The following RNFT2 variants were observed in gnomAD, a reference collection of about 807,000 sequenced individuals.
The protein encoded by RNFT2 is ring finger protein, transmembrane 2, also known as E3 ubiquitin-protein ligase RNFT2.
RNFT2 carries 36 observed loss-of-function variants against 53.0 expected under a neutral mutation model. That is an observed-to-expected ratio of 0.68 (90% CI 0.52 to 0.90). RNFT2 has a LOEUF of 0.90. Among genes scored for constraint, RNFT2 ranks in the 40% least tolerant of loss-of-function variants. RNFT2 has a pLI of 0.00. For missense variants in RNFT2, 514 were observed against 585.6 expected, an observed-to-expected ratio of 0.88 and a Z score of 1.26; for synonymous variants, 260 against 253.2, an observed-to-expected ratio of 1.03 and a Z score of -0.26.
At position 116,741,071 on chromosome 12, in the gene RNFT2, C is replaced by T. The variant is rs1316572716; in HGVS notation, c.60C>T (p.Asn20=). The T allele has an allele frequency of 1.9e-6, 3 of 1,610,980 alleles. No homozygotes were observed. The South Asian group carries it at 3.3e-5, about 18-fold the overall frequency. Residue 20 remains asparagine (N), a synonymous_variant, in exon 3 of 11, where the codon AAC becomes AAT. Coordinates refer to ENST00000257575, the MANE Select transcript of RNFT2 (RefSeq NM_001382266.1). ...AGATGCAGAGACGCCACAGCAGCAA[C>T]ACGGATAACATTCCACCTGAAAGGT... ...LRKMQRRHSS[N]TDNIPPERNR...
intron 10 of RNFT2, among the ~76,000 whole-genome samples, chr12:116,845,126 T>A (rs1877536106): frequency 6.6e-6 from 1 of 151,404 alleles, no homozygotes; most frequent in Admixed American, 6.6e-5. Flanking sequence ...TGCCTATAGT[T>A]GTAGCTACTT....
intron 6 of RNFT2, among the ~76,000 whole-genome samples, chr12:116,771,462 A>AC: frequency 1.1e-4 from 2 of 18,818 alleles, no homozygotes; most frequent in African/African-American, 1.1e-3. Flanking sequence ...CCTATCGTTA[A>AC]AAAAAAAAAA....
At chr12:116,811,810 C>G (rs1875395204) in intron 7 of RNFT2, among the ~76,000 whole-genome samples, 1 of 152,208 alleles carries the variant, frequency 6.6e-6, no homozygotes, top group South Asian at 2.1e-4. Context: ...GGCTCTTCTC[C>G]TCGGGGCCCA....
chr12:116,792,378 G>A (rs1467512246), intron 7 of RNFT2, among the ~76,000 whole-genome samples: 2 of 151,798 alleles, frequency 1.3e-5, no homozygotes, highest in Non-Finnish European at 2.9e-5. Flanking sequence ...TAATTTTGGA[G>A]AAAAGTCCTC....
intron 7 of RNFT2, among the ~76,000 whole-genome samples, chr12:116,794,583 G>A (rs1268375498): frequency 1.4e-5 from 2 of 146,794 alleles, no homozygotes; most frequent in Non-Finnish European, 3.0e-5. Context: ...GGGTGACAGA[G>A]TGAGACTTTG....
At chr12:116,830,827 C>G (rs1348523796) in intron 7 of RNFT2, among the ~76,000 whole-genome samples, 1 of 151,748 alleles carries the variant, frequency 6.6e-6, no homozygotes, top group African/African-American at 2.4e-5. Context: ...TTGCTTGAAC[C>G]CAAGAGGCAG....
intron 7 of RNFT2, among the ~76,000 whole-genome samples, chr12:116,802,074 G>A (rs140173217): frequency 0.024 from 3,705 of 152,204 alleles, 135 homozygotes; most frequent in African/African-American, 0.083. Context: ...CACCTGCCTT[G>A]GCCTCCCAAA....
At chr12:116,847,561 C>G (rs1877684675) in intron 10 of RNFT2, among the ~76,000 whole-genome samples, 1 of 148,200 alleles carries the variant, frequency 6.7e-6, no homozygotes, top group Admixed American at 6.8e-5. Context: ...GAGTTTTGCT[C>G]TCGTTGCCCA....
rs1221531305 is a variant in RNFT2, at chr12:116,802,697, A to G, written c.882+23349A>G. ...CCAACACTTTGATTTGGGCCCAAGGAAACTAATTTTGGACTTCTGGCCTCC... is the reference window on the plus strand; with the variant it reads ...CCAACACTTTGATTTGGGCCCAAGGGAACTAATTTTGGACTTCTGGCCTCC... On this transcript the variant is annotated intron_variant, in intron 7 of 10. Coordinates refer to ENST00000257575, the MANE Select transcript of RNFT2 (RefSeq NM_001382266.1). Among the ~76,000 whole-genome samples, 5 of 152,166 alleles carry G rather than the reference A, an allele frequency of 3.3e-5. No individual in the cohort carries two copies. The South Asian group carries it at 1.0e-3, about 31-fold the overall frequency.
At chr12:116,784,273 G>A (rs946899746) in intron 7 of RNFT2, among the ~76,000 whole-genome samples, 3 of 152,192 alleles carry the variant, frequency 2.0e-5, no homozygotes, top group African/African-American at 4.8e-5. Context: ...TGCAGCTCAC[G>A]GTCTGTGGTA....
At position 116,849,301 on chromosome 12, in the gene RNFT2, G is replaced by T. The variant is rs1485142447; in HGVS notation, c.1201-13G>T. 3 of 1,528,608 alleles carry T rather than the reference G, an allele frequency of 2.0e-6. No homozygotes were observed. Among genetic ancestry groups the T allele is most frequent in the Non-Finnish European group, 2.6e-6 (3 of 1,137,852 alleles). The allele number at this position is 1,528,608 out of a possible 1,614,324, so 94.7% of individuals were successfully genotyped here. On this transcript the variant is annotated splice_polypyrimidine_tract_variant and intron_variant, in intron 10 of 10. Transcript: ENST00000257575. ...TAAAGAGTCCTGGTGCCTGCTGATT[G>T]CTGTCCCCGCAGCACGTGTTCTGTG... is the stretch of plus-strand genomic sequence containing the variant.
chr12:116,845,343 T>A (rs984752240), intron 10 of RNFT2, among the ~76,000 whole-genome samples: 1 of 151,238 alleles, frequency 6.6e-6, no homozygotes, highest in South Asian at 2.1e-4. Context: ...TAATTCCTCA[T>A]GCAATGCTTT....
chr12:116,851,733 A>T lies in RNFT2; in HGVS notation c.*2285A>T. ...TCCAACCTGGGTGACAGAGTGAGTG[A>T]GACTCTGTCTAAAAAAAAAAAGAAA... On this transcript the variant is annotated 3_prime_UTR_variant, in exon 11 of 11. Transcript: ENST00000257575. 2 of 711,294 alleles carry T rather than the reference A, an allele frequency of 2.8e-6. No homozygotes were observed. The highest frequency in any genetic ancestry group is 5.0e-6 in the Non-Finnish European group (2 of 398,274). 44.1% of individuals were successfully genotyped at this position (711,294 alleles called of 1,614,324 possible). A position where few individuals can be genotyped will look rare whatever the true frequency, so the allele number is the denominator to read the frequency against.
At position 116,757,769 on chromosome 12, in the gene RNFT2, A is replaced by G. The variant is rs545782808; in HGVS notation, c.627+3709A>G. The stretch of plus-strand genomic sequence containing the variant: ...TATAGTCTATCTTGGAGAAAGTTCC[A>G]TGCGCTGTTGAATAGAATGTGTATT... On this transcript the variant is annotated intron_variant, in intron 5 of 10. Coordinates refer to ENST00000257575, the MANE Select transcript of RNFT2 (RefSeq NM_001382266.1). Among the ~76,000 whole-genome samples, 3 of 152,304 alleles carry G rather than the reference A, an allele frequency of 2.0e-5. 1 individual carries two copies. The highest frequency in any genetic ancestry group is 4.1e-4 in the South Asian group (2 of 4,820).
Position 116,743,213 on chromosome 12 carries a change from T to TAAAAAAAAAAAAAAAAAAAAAA in RNFT2, c.83+2129_83+2150dup, listed in dbSNP as rs762013507. On this transcript the variant is annotated intron_variant, in intron 3 of 10. Coordinates refer to ENST00000257575, the MANE Select transcript of RNFT2 (RefSeq NM_001382266.1). ...TGATTAATAGATACCAGGTAGAATC[T>TAAAAAAAAAAAAAAAAAAAAAA]AAAAAAAAAAAAAAAAAAAAAAAAA... Among the ~76,000 whole-genome samples, 12 of 10,680 alleles carry TAAAAAAAAAAAAAAAAAAAAAA rather than the reference T, an allele frequency of 1.1e-3. 1 individual carries two copies. Among genetic ancestry groups the TAAAAAAAAAAAAAAAAAAAAAA allele is most frequent in the Admixed American group, 4.0e-3 (2 of 504 alleles). 7.0% of individuals were successfully genotyped at this position (10,680 alleles called of 152,430 possible). A position where few individuals can be genotyped will look rare whatever the true frequency, so the allele number is the denominator to read the frequency against.
intron 5 of RNFT2, among the ~76,000 whole-genome samples, chr12:116,764,553 C>G (rs568565472): frequency 6.6e-6 from 1 of 152,128 alleles, no homozygotes; most frequent in Non-Finnish European, 1.5e-5. Context: ...CTTCCTGACC[C>G]TTAGTCTCAT....
intron 5 of RNFT2, among the ~76,000 whole-genome samples, chr12:116,761,470 C>T (rs1183131592): frequency 6.6e-6 from 1 of 152,062 alleles, no homozygotes; most frequent in Non-Finnish European, 1.5e-5. Flanking sequence ...TTTCATTCCA[C>T]CTTCATGCTT....
intron 6 of RNFT2, among the ~76,000 whole-genome samples, chr12:116,769,925 C>G (rs1185629581): frequency 6.6e-6 from 1 of 152,076 alleles, no homozygotes; most frequent in African/African-American, 2.4e-5. Flanking sequence ...ATCCCAGCTA[C>G]TTGGGAGGCT....
rs370363231 is a variant in RNFT2, at chr12:116,833,947, G to A, written c.1032+6G>A. ...TTCTCTACAGCCTCTGCAAGGTGAG[G>A]TGGCCCCAAGGCTGGAGGGCCGGCC... On this transcript the variant is annotated splice_donor_region_variant and intron_variant, in intron 8 of 10. Transcript: ENST00000257575. 5 of 1,596,708 alleles carry A rather than the reference G, an allele frequency of 3.1e-6. No homozygotes were observed. Among genetic ancestry groups the A allele is most frequent in the Admixed American group, 3.5e-5 (2 of 56,962 alleles).
Sources: allele counts gnomAD v4.1 joint callset (sites outside exome capture counted in the v4.1 genomes callset), GRCh38; gene constraint gnomAD v4.1.1; transcripts MANE v1.5; gene names NCBI Gene and HGNC (gene_info 2026-07-23, HGNC 2026-07-21).